TRIM44: variants seen among roughly 807,000 people sequenced by gnomAD.
TRIM44 encodes the protein tripartite motif-containing protein 44.
In TRIM44, 13 loss-of-function variants were observed where a neutral mutation model predicts 37.4. The observed-to-expected ratio is 0.35, with a 90% CI of 0.23 to 0.55. TRIM44 has a LOEUF of 0.55. Among genes scored for constraint, TRIM44 ranks in the 20% least tolerant of loss-of-function variants. TRIM44 has a pLI of 0.89. For missense variants in TRIM44, 426 were observed against 437.2 expected (o/e 0.97, Z 0.23); for synonymous variants, 175 against 157.2 (o/e 1.11, Z -0.85).
intron 2 of TRIM44, among the ~76,000 whole-genome samples, chr11:35,704,303 T>C (rs1056528755): frequency 7.2e-5 from 11 of 152,146 alleles, no homozygotes; most frequent in African/African-American, 2.7e-4. Context: ...CTGAAAGTGA[T>C]GGGGAGAATG....
At chr11:35,668,790 T>C (rs1851360054) in intron 1 of TRIM44, among the ~76,000 whole-genome samples, 1 of 152,260 alleles carries the variant, frequency 6.6e-6, no homozygotes, top group Non-Finnish European at 1.5e-5. Flanking sequence ...ACTCAATTTC[T>C]TTAATAGTCA....
chr11:35,782,515 G>A (rs1216101822), intron 4 of TRIM44, among the ~76,000 whole-genome samples: 4 of 152,174 alleles, frequency 2.6e-5, no homozygotes, highest in African/African-American at 9.7e-5. Context: ...GGCTAATGAT[G>A]TCAGGACTGC....
chr11:35,742,378 T>C (rs1184380227), intron 4 of TRIM44, among the ~76,000 whole-genome samples: 1 of 144,674 alleles, frequency 6.9e-6, no homozygotes, highest in Non-Finnish European at 1.5e-5. Context: ...GATATATATA[T>C]ATATGGTCTA....
At chr11:35,741,190 C>A (rs1001219645) in intron 4 of TRIM44, among the ~76,000 whole-genome samples, 2 of 152,150 alleles carry the variant, frequency 1.3e-5, no homozygotes, top group African/African-American at 4.8e-5. Context: ...GGGGTGCCAA[C>A]ATCTAAGTTG....
chr11:35,783,792 G>A (rs1222353461), intron 4 of TRIM44, among the ~76,000 whole-genome samples: 3 of 152,200 alleles, frequency 2.0e-5, no homozygotes, highest in Non-Finnish European at 4.4e-5. Flanking sequence ...CAGTGAACCT[G>A]TGCAAGCAGG....
At chr11:35,706,335 A>C (rs1851880900) in intron 2 of TRIM44, among the ~76,000 whole-genome samples, 1 of 152,148 alleles carries the variant, frequency 6.6e-6, no homozygotes, top group Non-Finnish European at 1.5e-5. Flanking sequence ...CCAGAGGTAC[A>C]AGGAGTAAAT....
intron 4 of TRIM44, among the ~76,000 whole-genome samples, chr11:35,804,021 C>T (rs930327161): frequency 1.3e-5 from 2 of 151,880 alleles, no homozygotes; most frequent in Admixed American, 1.3e-4. Flanking sequence ...CCTCCCTCCC[C>T]TGAGCCTGTA....
intron 2 of TRIM44, among the ~76,000 whole-genome samples, chr11:35,713,451 T>A (rs1852003571): frequency 6.6e-6 from 1 of 152,068 alleles, no homozygotes; most frequent in Admixed American, 6.6e-5. Context: ...GGTATTCCAA[T>A]GTAGTATTTG....
At chr11:35,755,483 T>A (rs1419204589) in intron 4 of TRIM44, among the ~76,000 whole-genome samples, 1 of 152,238 alleles carries the variant, frequency 6.6e-6, no homozygotes, top group Non-Finnish European at 1.5e-5. Context: ...TAGTTTCTTT[T>A]GCTGTGCAGA....
rs1166082409 is a variant in TRIM44, at chr11:35,705,780, T to C, written c.748-20144T>C. ...TCAAAGCAGTGTGTAGAGGGAAATT[T>C]ATAGCACTAAATGCCCACAAGAGAA... On this transcript the variant is annotated intron_variant, in intron 2 of 4. Transcript: ENST00000299413. 2.7e-5 allele frequency among the ~76,000 whole-genome samples: 4 copies of C among 147,500 alleles called. 1 individual carries two copies. The East Asian group carries it at 7.9e-4, about 29-fold the overall frequency.
intron 4 of TRIM44, among the ~76,000 whole-genome samples, chr11:35,797,693 A>T (rs1307771264): frequency 6.6e-6 from 1 of 152,198 alleles, no homozygotes; most frequent in Admixed American, 6.5e-5. Context: ...ACATTCTGCA[A>T]AATACCTGAT....
intron 3 of TRIM44, among the ~76,000 whole-genome samples, chr11:35,732,433 G>T (rs1852273681): frequency 6.6e-6 from 1 of 152,138 alleles, no homozygotes; most frequent in Non-Finnish European, 1.5e-5. Context: ...ACCAGAATTT[G>T]CTTATAATAG....
chr11:35,700,893 T>C (rs1020562066), intron 2 of TRIM44, among the ~76,000 whole-genome samples: 1 of 152,222 alleles, frequency 6.6e-6, no homozygotes, highest in African/African-American at 2.4e-5. Flanking sequence ...TCTGACAAAA[T>C]ATTTAAGGGC....
At chr11:35,762,499 G>A (rs1254359109) in intron 4 of TRIM44, among the ~76,000 whole-genome samples, 4 of 152,160 alleles carry the variant, frequency 2.6e-5, no homozygotes, top group Non-Finnish European at 5.9e-5. Context: ...GTCGGTCAGG[G>A]AATAAGTCTT....
intron 2 of TRIM44, among the ~76,000 whole-genome samples, chr11:35,690,778 A>G (rs759754327): frequency 2.6e-5 from 4 of 152,228 alleles, no homozygotes; most frequent in African/African-American, 9.6e-5. Context: ...TGTATTATCT[A>G]TTACAGCAAC....
chr11:35,724,421 T>C (rs1204670294), intron 2 of TRIM44: 2 of 152,248 alleles, frequency 1.3e-5, no homozygotes, highest in African/African-American at 4.8e-5. Context: ...TTCATTTAGA[T>C]GACAACTGTT....
At chr11:35,768,233 C>A (rs1852822654) in intron 4 of TRIM44, among the ~76,000 whole-genome samples, 1 of 152,182 alleles carries the variant, frequency 6.6e-6, no homozygotes, top group Non-Finnish European at 1.5e-5. Context: ...ATTATTTAAT[C>A]CCCTGCTATG....
intron 4 of TRIM44, among the ~76,000 whole-genome samples, chr11:35,759,522 G>C (rs1005323422): frequency 3.9e-5 from 6 of 152,208 alleles, no homozygotes; most frequent in African/African-American, 1.4e-4. Flanking sequence ...TCTCTGTCCA[G>C]CTTTGTTCCG....
intron 3 of TRIM44, among the ~76,000 whole-genome samples, chr11:35,732,057 T>C (rs1233182014): frequency 6.6e-6 from 1 of 152,196 alleles, no homozygotes; most frequent in Non-Finnish European, 1.5e-5. Context: ...GTTTCTAGTA[T>C]TTTGCTTGTG....
Sources: gnomAD v4.1 joint callset for allele counts (sites outside exome capture counted in the v4.1 genomes callset) on GRCh38, gnomAD v4.1.1 for gene constraint, MANE v1.5 for transcripts, NCBI Gene and HGNC (gene_info 2026-07-23, HGNC 2026-07-21) for gene names.